Variants in B3GLCT observed in about 807,000 individuals in gnomAD.
The protein encoded by B3GLCT is beta 3-glucosyltransferase, also known as beta-1,3-glucosyltransferase.
A neutral mutation model predicts 63.4 loss-of-function variants in B3GLCT; 65 were observed. The observed-to-expected ratio is 1.03, with a 90% CI of 0.84 to 1.26. The LOEUF (loss-of-function observed/expected upper bound fraction) is 1.26, where lower values mean the gene tolerates loss of function less well. Among genes scored for constraint, B3GLCT ranks in the 50% most tolerant of loss-of-function variants. The pLI, the probability that B3GLCT is intolerant of heterozygous loss-of-function variation, is 0.00. For synonymous variants in B3GLCT, 233 were observed against 219.2 expected (o/e 1.06, Z -0.55); for missense variants, 577 against 604.8 (o/e 0.95, Z 0.48).
intron 3 of B3GLCT, among the ~76,000 whole-genome samples, chr13:31,223,884 T>C (rs1477737187): frequency 6.6e-6 from 1 of 152,080 alleles, no homozygotes; most frequent in Non-Finnish European, 1.5e-5. Context: ...TCACCTCCAG[T>C]TTCATGATGG....
intron 1 of B3GLCT, among the ~76,000 whole-genome samples, chr13:31,213,998 G>A (rs150141633): frequency 1.4e-3 from 209 of 151,410 alleles, no homozygotes; most frequent in Non-Finnish European, 2.5e-3. Context: ...TTGAGCAAAT[G>A]TTAATGCAGG....
chr13:31,285,496 A>T (rs539810150), intron 11 of B3GLCT, among the ~76,000 whole-genome samples: 2 of 151,932 alleles, frequency 1.3e-5, no homozygotes, highest in African/African-American at 4.8e-5. Context: ...TGGAAGTGAA[A>T]ATTTGGCCAC....
At chr13:31,229,533 G>A (rs1403605892) in intron 4 of B3GLCT, among the ~76,000 whole-genome samples, 15 of 152,100 alleles carry the variant, frequency 9.9e-5, no homozygotes, top group Non-Finnish European at 2.9e-5. Flanking sequence ...ATCCCTTGAC[G>A]TCAGGCATTG....
At chr13:31,315,286 G>T (rs1283372747) in intron 12 of B3GLCT, among the ~76,000 whole-genome samples, 8 of 152,192 alleles carry the variant, frequency 5.3e-5, no homozygotes, top group Non-Finnish European at 1.2e-4. Context: ...GAACTGCCTA[G>T]AAACTTGTAG....
chr13:31,324,304 C>T (rs561628257), intron 14 of B3GLCT, among the ~76,000 whole-genome samples: 9 of 152,320 alleles, frequency 5.9e-5, no homozygotes, highest in South Asian at 2.1e-4. Context: ...TCAGTTTTTA[C>T]GCTATCTGTC....
chr13:31,251,630 C>G (rs1164896627), intron 6 of B3GLCT, among the ~76,000 whole-genome samples: 1 of 151,972 alleles, frequency 6.6e-6, no homozygotes, highest in East Asian at 1.9e-4. Context: ...GATTGAAGAT[C>G]AACTCAATGA....
intron 1 of B3GLCT, among the ~76,000 whole-genome samples, chr13:31,211,939 C>A (rs987486549): frequency 6.6e-6 from 1 of 152,124 alleles, no homozygotes; most frequent in African/African-American, 2.4e-5. Flanking sequence ...ATATAGCTGT[C>A]TGGCCTCGCA....
At chr13:31,299,648 T>C (rs1448848534) in intron 12 of B3GLCT, among the ~76,000 whole-genome samples, 1 of 152,186 alleles carries the variant, frequency 6.6e-6, no homozygotes, top group African/African-American at 2.4e-5. Flanking sequence ...AAAAGGAACA[T>C]GTCTAGATTC....
At chr13:31,249,048 G>A (rs1871313900) in intron 6 of B3GLCT, among the ~76,000 whole-genome samples, 1 of 152,124 alleles carries the variant, frequency 6.6e-6, no homozygotes, top group African/African-American at 2.4e-5. Context: ...GTGGAAACCT[G>A]TCCCACCCAC....
At chr13:31,229,819 T>TTG (rs925464220) in intron 4 of B3GLCT, among the ~76,000 whole-genome samples, 70 of 129,844 alleles carry the variant, frequency 5.4e-4, no homozygotes, top group African/African-American at 1.8e-3. Context: ...GAATTTTTTT[T>TTG]TGTGTGTGTG....
At chr13:31,244,583 T>C (rs1037992829) in intron 4 of B3GLCT, among the ~76,000 whole-genome samples, 3 of 152,176 alleles carry the variant, frequency 2.0e-5, no homozygotes, top group Non-Finnish European at 4.4e-5. Context: ...ATGATGGCGA[T>C]AGATGGAACA....
chr13:31,285,433 C>G (rs1873272221), intron 11 of B3GLCT, among the ~76,000 whole-genome samples: 2 of 151,996 alleles, frequency 1.3e-5, no homozygotes, highest in South Asian at 4.2e-4. Context: ...TGTTACAAAA[C>G]TGCACTTGTA....
chr13:31,297,071 C>T (rs886521117), intron 12 of B3GLCT, among the ~76,000 whole-genome samples: 6 of 148,904 alleles, frequency 4.0e-5, no homozygotes, highest in African/African-American at 7.4e-5. Context: ...ATAATGTCTT[C>T]GAAATTTATC....
intron 4 of B3GLCT, among the ~76,000 whole-genome samples, chr13:31,243,222 A>T (rs1871037305): frequency 6.6e-6 from 1 of 152,232 alleles, no homozygotes; most frequent in African/African-American, 2.4e-5. Context: ...CTTACTTTCT[A>T]GTTTAGCATG....
rs373287505 is a variant in B3GLCT at position 31,278,326 on chromosome 13, GCTTT to G, written c.850+1559_850+1562del. Among the ~76,000 whole-genome samples, 21 of 152,052 alleles carry G rather than the reference GCTTT, an allele frequency of 1.4e-4. 1 individual carries two copies. The highest frequency in any genetic ancestry group is 5.1e-4 in the African/African-American group (21 of 41,486). ...GTAATTTTGAATAATCTAGTTTACT[GCTTT>G]CTTATTTTGCATAAGTTTGAGATAC... is the stretch of plus-strand genomic sequence containing the variant. On this transcript the variant is annotated intron_variant, in intron 10 of 14. Coordinates refer to ENST00000343307, the MANE Select transcript of B3GLCT (RefSeq NM_194318.4).
intron 12 of B3GLCT, among the ~76,000 whole-genome samples, chr13:31,315,082 C>G (rs565961184): frequency 6.6e-6 from 1 of 152,330 alleles, no homozygotes; most frequent in Admixed American, 6.5e-5. Context: ...AATTAAACCT[C>G]GTTTGCTTCC....
In B3GLCT at chr13:31,248,918, C is replaced by G. The variant is rs577182342; in HGVS notation, c.459+952C>G. Among the ~76,000 whole-genome samples, 9 of 152,260 alleles carry G rather than the reference C, an allele frequency of 5.9e-5. No homozygotes were observed. The East Asian group carries it at 1.4e-3, about 23-fold the overall frequency. ...TTAGAGAGCTGCCTTGGAAATGTGT[C>G]AAGAGTAAATCGAGCTCATTCAGTT... On this transcript the variant is annotated intron_variant, in intron 6 of 14. Coordinates refer to ENST00000343307, the MANE Select transcript of B3GLCT (RefSeq NM_194318.4).
At chr13:31,248,285 C>T (rs565167355) in intron 6 of B3GLCT, among the ~76,000 whole-genome samples, 1 of 152,280 alleles carries the variant, frequency 6.6e-6, no homozygotes, top group African/African-American at 2.4e-5. Flanking sequence ...TTGGCTATTT[C>T]TGCTTATTAG....
At chr13:31,219,633 C>T (rs1869724339) in intron 2 of B3GLCT, among the ~76,000 whole-genome samples, 1 of 152,120 alleles carries the variant, frequency 6.6e-6, no homozygotes, top group Non-Finnish European at 1.5e-5. Context: ...TGCTCAGCCT[C>T]CTCATCTGTA....
Sources: gnomAD v4.1 joint callset for allele counts (sites outside exome capture counted in the v4.1 genomes callset) on GRCh38, gnomAD v4.1.1 for gene constraint, MANE v1.5 for transcripts, NCBI Gene and HGNC (gene_info 2026-07-23, HGNC 2026-07-21) for gene names.